The following DGLUCY variants were observed in gnomAD, a reference collection of about 807,000 sequenced individuals.
DGLUCY encodes D-glutamate cyclase.
A neutral mutation model predicts 58.5 loss-of-function variants in DGLUCY; 58 were observed. The observed-to-expected ratio is 0.99, with a 90% CI of 0.80 to 1.23. DGLUCY has a LOEUF of 1.23. Among genes scored for constraint, DGLUCY ranks in the 50% most tolerant of loss-of-function variants. The pLI is 0.00. For missense variants in DGLUCY, 779 were observed against 784.7 expected, an observed-to-expected ratio of 0.99 and a Z score of 0.09; for synonymous variants, 325 against 314.1, an observed-to-expected ratio of 1.03 and a Z score of -0.37.
chr14:91,063,928 G>A (rs865793732), intron 1 of DGLUCY, among the ~76,000 whole-genome samples: 1 of 152,126 alleles, frequency 6.6e-6, no homozygotes, highest in Non-Finnish European at 1.5e-5. Context: ...TGGGATACAA[G>A]GAGACCAGTT....
chr14:91,204,800 G>A lies in DGLUCY; in HGVS notation c.1539G>A (p.Val513=). The A allele has an allele frequency of 6.2e-7, 1 of 1,614,100 alleles. No homozygotes were observed. The highest frequency in any genetic ancestry group is 1.1e-5 in the South Asian group (1 of 91,070). Residue 513 remains valine (V), a synonymous_variant, in exon 12 of 14, where the codon GTG becomes GTA. Coordinates refer to ENST00000256324, the MANE Select transcript of DGLUCY (RefSeq NM_001102368.3). The part of the protein sequence containing the change: ...IRHGDVIACD[V]EADFAVIAGV... ...ACGGGGATGTCATCGCCTGCGACGT[G>A]GAGGCTGACTTTGCCGTCATTGCTG... is the stretch of plus-strand genomic sequence containing the variant.
At chr14:91,087,983 C>G (rs548156745) in intron 1 of DGLUCY, among the ~76,000 whole-genome samples, 1 of 152,256 alleles carries the variant, frequency 6.6e-6, no homozygotes, top group African/African-American at 2.4e-5. Context: ...GAGCCTCTAA[C>G]CCAGCAGTAG....
At chr14:91,095,905 G>A in intron 1 of DGLUCY, among the ~76,000 whole-genome samples, 1 of 152,108 alleles carries the variant, frequency 6.6e-6, no homozygotes, top group African/African-American at 2.4e-5. Context: ...CGCATGCAGA[G>A]TCCAGCCCCT....
At chr14:91,181,509 T>A (rs909490199) in intron 8 of DGLUCY, 120 bp downstream of exon 8, 1 of 1,003,080 alleles carries the variant, frequency 1.0e-6, no homozygotes, top group African/African-American at 1.6e-5. Context: ...AGGATGATTT[T>A]TTAAATGTTG....
rs1025729772 is a variant in DGLUCY, at chr14:91,160,484, C to T, written c.103+87C>T. On this transcript the variant is annotated intron_variant, in intron 3 of 13. Transcript: ENST00000256324. ...ACCAGCTGTGTAGGGCCCACAAACT[C>T]CTAAGACTTCTAGATTCTGCATAGG... 3.3e-6 allele frequency: 3 copies of T among 910,154 alleles called. No individual in the cohort carries two copies. In the African/African-American group the frequency reaches 5.1e-5, roughly 16 times the overall value. The allele number at this position is 910,154 out of a possible 1,614,324, so 56.4% of individuals were successfully genotyped here.
intron 2 of DGLUCY, among the ~76,000 whole-genome samples, chr14:91,159,276 G>A (rs767729103): frequency 3.3e-5 from 5 of 151,912 alleles, no homozygotes; most frequent in Admixed American, 1.3e-4. Context: ...GTGAAACCTC[G>A]CCTCTACTAA....
chr14:91,159,070 ATCC>A (rs1451247807), intron 2 of DGLUCY: 1 of 148,674 alleles, frequency 6.7e-6, no homozygotes, highest in Non-Finnish European at 1.5e-5. Context: ...GCCTCAAGCA[ATCC>A]TCCTGCCTCA....
In DGLUCY at chr14:91,099,332, A is replaced by G. The variant is rs191681662; in HGVS notation, c.-82+38628A>G. On this transcript the variant is annotated intron_variant, in intron 1 of 4. Transcript: ENST00000521334. ...CAGATCACTTGAGGTCAGGAGCTCG[A>G]GACCAGCCTGGCCAACATGGTGAAA... 2.0e-3 allele frequency among the ~76,000 whole-genome samples: 301 copies of G among 152,308 alleles called. 2 individuals carry two copies. Among genetic ancestry groups the G allele is most frequent in the Non-Finnish European group, 3.0e-3 (204 of 68,010 alleles).
intron 1 of DGLUCY, among the ~76,000 whole-genome samples, chr14:91,150,793 G>T (rs1351370528): frequency 5.9e-5 from 9 of 152,078 alleles, no homozygotes; most frequent in Non-Finnish European, 1.3e-4. Context: ...TTTTATTATG[G>T]TTAAAAATAT....
chr14:91,067,636 C>T (rs966303916), intron 1 of DGLUCY, among the ~76,000 whole-genome samples: 13 of 151,852 alleles, frequency 8.6e-5, no homozygotes, highest in African/African-American at 1.2e-4. Context: ...GCAACTTCTG[C>T]CTCCTGGGCT....
Position 91,188,915 on chromosome 14 carries a change from CG to C in DGLUCY, c.945del (p.Ile316LeufsTer11). 6.2e-7 allele frequency: 1 copy of C among 1,612,642 alleles called. No homozygotes were observed. The highest frequency in any genetic ancestry group is 8.5e-7 in the Non-Finnish European group (1 of 1,179,440). On this transcript the variant is annotated frameshift_variant, in exon 9 of 14. Transcript: ENST00000256324. LOFTEE classifies it high-confidence loss of function. Reference protein sequence around the residue: ...ESMIGIDPGNRGIGHLLCKDE... With the variant: ...ESMIGIDPGNXGIGHLLCKDE... ...TTCTATTTTTGTCATTTCAGGGAAC[CG>C]GGGGATTGGGCACCTGCTCTGTAAA...
intron 3 of DGLUCY, among the ~76,000 whole-genome samples, chr14:91,164,024 A>T (rs1648175462): frequency 6.6e-6 from 1 of 152,110 alleles, no homozygotes; most frequent in South Asian, 2.1e-4. Context: ...ATCTCGGCTC[A>T]CTGCAGCCTC....
chr14:91,067,080 CAAAAAAA>C (rs778098019), intron 1 of DGLUCY, among the ~76,000 whole-genome samples: 1 of 71,034 alleles, frequency 1.4e-5, no homozygotes, highest in African/African-American at 5.0e-5. Context: ...GACTCCATCT[CAAAAAAA>C]AAAAAAAAAA....
At chr14:91,172,023 A>G (rs2048598082) in intron 5 of DGLUCY, among the ~76,000 whole-genome samples, 1 of 152,116 alleles carries the variant, frequency 6.6e-6, no homozygotes, top group Non-Finnish European at 1.5e-5. Context: ...GAAAAAAAGT[A>G]CGTTTTTCTT....
At chr14:91,188,768 G>A (rs2049683371) in intron 8 of DGLUCY, 142 bp from the exon 9 acceptor site, 1 of 929,648 alleles carries the variant, frequency 1.1e-6, no homozygotes, top group African/African-American at 1.7e-5. Context: ...GTTTGAGGCT[G>A]CAGTGAGCTG....
At chr14:91,090,272 A>G (rs923915550) in intron 1 of DGLUCY, among the ~76,000 whole-genome samples, 1 of 152,278 alleles carries the variant, frequency 6.6e-6, no homozygotes, top group Middle Eastern at 3.4e-3. Context: ...CATCCCAGTC[A>G]TGGATCTCGG....
chr14:91,122,617 T>TTTTG (rs1203506910), intron 1 of DGLUCY, among the ~76,000 whole-genome samples: 2 of 144,126 alleles, frequency 1.4e-5, no homozygotes, highest in Non-Finnish European at 3.0e-5. Flanking sequence ...TTTTTTTTTT[T>TTTTG]TTTGAGATAG....
chr14:91,165,077 C>G (rs1017519857), intron 3 of DGLUCY, among the ~76,000 whole-genome samples: 2 of 152,218 alleles, frequency 1.3e-5, no homozygotes, highest in East Asian at 3.8e-4. Flanking sequence ...TTCCACTCTT[C>G]CCTCCCCTTT....
intron 12 of DGLUCY, among the ~76,000 whole-genome samples, chr14:91,213,944 C>T (rs1886117265): frequency 3.3e-5 from 5 of 152,118 alleles, no homozygotes; most frequent in Admixed American, 2.0e-4. Context: ...AGGTGATCTG[C>T]CCATTTCAAC....
Sources: gnomAD v4.1 joint callset for allele counts (sites outside exome capture counted in the v4.1 genomes callset) on GRCh38, gnomAD v4.1.1 for gene constraint, MANE v1.5 for transcripts, NCBI Gene and HGNC (gene_info 2026-07-23, HGNC 2026-07-21) for gene names.